The following HP1BP3 variants were observed in gnomAD, a reference collection of about 807,000 sequenced individuals.
HP1BP3 encodes the protein heterochromatin protein 1 binding protein 3.
A neutral mutation model predicts 62.5 loss-of-function variants in HP1BP3; 12 were observed. That is an observed-to-expected ratio of 0.19 (90% CI 0.12 to 0.31). The LOEUF (loss-of-function observed/expected upper bound fraction) is 0.31, where lower values mean the gene tolerates loss of function less well. Among genes scored for constraint, HP1BP3 ranks in the 10% least tolerant of loss-of-function variants. The pLI is 1.00. For missense variants in HP1BP3, 502 were observed against 651.8 expected, an observed-to-expected ratio of 0.77 and a Z score of 2.50; for synonymous variants, 260 against 237.8, an observed-to-expected ratio of 1.09 and a Z score of -0.86.
At chr1:20,764,679 G>C (rs1570617123) in intron 8 of HP1BP3, among the ~76,000 whole-genome samples, 1 of 129,678 alleles carries the variant, frequency 7.7e-6, no homozygotes, top group South Asian at 2.7e-4. Context: ...AGAAAGATAA[G>C]ATTTGGGTTT....
chr1:20,748,306 G>C (rs1234944848), intron 10 of HP1BP3, among the ~76,000 whole-genome samples: 2 of 152,148 alleles, frequency 1.3e-5, no homozygotes, highest in South Asian at 4.2e-4. Context: ...ACAATATCAT[G>C]GTTCCTGAAG....
At chr1:20,773,113 G>A (rs1018298894) in intron 5 of HP1BP3, among the ~76,000 whole-genome samples, 1 of 152,066 alleles carries the variant, frequency 6.6e-6, no homozygotes, top group Non-Finnish European at 1.5e-5. Context: ...CCACTAGCAG[G>A]GGCGCCCAAC....
chr1:20,764,040 GC>G (rs1469161685), intron 8 of HP1BP3, among the ~76,000 whole-genome samples: 1 of 152,002 alleles, frequency 6.6e-6, no homozygotes, highest in Non-Finnish European at 1.5e-5. Flanking sequence ...ATACCCAGAT[GC>G]AATTTTTCTT....
At chr1:20,775,784 T>G (rs1307297664) in intron 4 of HP1BP3, 1 of 510,944 alleles carries the variant, frequency 2.0e-6, no homozygotes, top group East Asian at 3.2e-5. Flanking sequence ...GTTTGTAGCC[T>G]AGAAGCAACA....
At chr1:20,767,771 C>T in intron 6 of HP1BP3, 107 bp from the exon 7 acceptor site, 2 of 629,580 alleles carry the variant, frequency 3.2e-6, no homozygotes, top group Non-Finnish European at 2.7e-6. Flanking sequence ...GTGTTTACTT[C>T]TTCAGAGAAA....
intron 11 of HP1BP3, among the ~76,000 whole-genome samples, chr1:20,746,595 G>A (rs1307010640): frequency 6.6e-6 from 1 of 152,072 alleles, no homozygotes; most frequent in Non-Finnish European, 1.5e-5. Flanking sequence ...GACCACAGGA[G>A]GTGATCAATA....
intron 6 of HP1BP3, 47 bp from the exon 7 acceptor site, chr1:20,767,711 T>C (rs780879385): frequency 3.2e-6 from 4 of 1,241,222 alleles, no homozygotes; most frequent in South Asian, 1.3e-5. Flanking sequence ...AACTTTACAG[T>C]AGGCTAAGGA....
intron 1 of HP1BP3, among the ~76,000 whole-genome samples, chr1:20,783,463 G>T (rs1453633909): frequency 6.6e-6 from 1 of 151,912 alleles, no homozygotes; most frequent in Non-Finnish European, 1.5e-5. Flanking sequence ...AGGTTGCAGT[G>T]ACCTGAGATC....
At chr1:20,776,983 TAGAA>T (rs920894607) in intron 3 of HP1BP3, among the ~76,000 whole-genome samples, 13 of 152,170 alleles carry the variant, frequency 8.5e-5, no homozygotes, top group African/African-American at 2.9e-4. Context: ...GGAAATTACA[TAGAA>T]AGGAAAACTC....
chr1:20,779,805 A>T lies in HP1BP3; in HGVS notation c.196+7T>A. 1 of 1,598,214 alleles carries T rather than the reference A, an allele frequency of 6.3e-7. No individual in the cohort carries two copies. The highest frequency in any genetic ancestry group is 8.6e-7 in the Non-Finnish European group (1 of 1,169,310). On this transcript the variant is annotated splice_region_variant and intron_variant, in intron 3 of 12. Transcript: ENST00000438032. ...ATGTTTTAAGCTGTGTCACCATTTT[A>T]CTTTACCTGGCTTTTCTTCCTCCCC...
At chr1:20,747,889 T>C (rs1570543522) in intron 10 of HP1BP3, among the ~76,000 whole-genome samples, 1 of 152,176 alleles carries the variant, frequency 6.6e-6, no homozygotes. Flanking sequence ...TTTTAAAATT[T>C]TGCAAAATAT....
rs773712269 is a variant in HP1BP3 at position 20,771,122 on chromosome 1, T to G, written c.511-49A>C. 5 of 1,395,018 alleles carry G rather than the reference T, an allele frequency of 3.6e-6. No individual in the cohort carries two copies. The East Asian group carries it at 1.2e-4, about 33-fold the overall frequency. The allele number at this position is 1,395,018 out of a possible 1,614,324, so 86.4% of individuals were successfully genotyped here. A position where few individuals can be genotyped will look rare whatever the true frequency, so the allele number is the denominator to read the frequency against. On this transcript the variant is annotated intron_variant, in intron 5 of 12. Coordinates refer to ENST00000438032, the MANE Select transcript of HP1BP3 (RefSeq NM_001372052.1). Reference sequence around the variant, plus strand: ...TTGTTTTTTTTTATTAGATAGAGCCTGACATATATTTTCAAAATAAATTAT... The same window carrying G: ...TTGTTTTTTTTTATTAGATAGAGCCGGACATATATTTTCAAAATAAATTAT...
chr1:20,754,260 C>G (rs1462552533), intron 9 of HP1BP3, among the ~76,000 whole-genome samples: 1 of 152,042 alleles, frequency 6.6e-6, no homozygotes, highest in East Asian at 1.9e-4. Context: ...TTCAAGACAG[C>G]ATGGAAAAAG....
intron 3 of HP1BP3, 104 bp from the exon 4 acceptor site, chr1:20,776,854 T>C: frequency 1.1e-6 from 1 of 921,304 alleles, no homozygotes; most frequent in South Asian, 2.7e-5. Context: ...AAGTCTCCAA[T>C]TAACAAATGA....
intron 12 of HP1BP3, 109 bp from the exon 13 acceptor site, chr1:20,745,200 G>C: frequency 8.0e-7 from 1 of 1,244,672 alleles, no homozygotes; most frequent in East Asian, 2.4e-5. Flanking sequence ...GGTCACTTAC[G>C]TTAAGAATAG....
At chr1:20,756,651 T>C (rs1466960703) in intron 9 of HP1BP3, among the ~76,000 whole-genome samples, 1 of 152,124 alleles carries the variant, frequency 6.6e-6, no homozygotes, top group African/African-American at 2.4e-5. Flanking sequence ...ATGTAATGGG[T>C]TTTCTACTAG....
chr1:20,771,104 T>C (rs768796714), intron 5 of HP1BP3, 31 bp from the exon 6 acceptor site: 41 of 1,550,006 alleles, frequency 2.6e-5, no homozygotes, highest in Non-Finnish European at 3.3e-5. Context: ...TAGTTGTTTT[T>C]TTTTATTAGA....
chr1:20,760,304 G>A (rs1048760212), intron 8 of HP1BP3, among the ~76,000 whole-genome samples: 9 of 152,156 alleles, frequency 5.9e-5, no homozygotes, highest in Non-Finnish European at 7.4e-5. Context: ...CTGGGTGGCC[G>A]AAGCAGGAGG....
chr1:20,746,204 G>A (rs1485226580), intron 11 of HP1BP3, among the ~76,000 whole-genome samples: 17 of 151,474 alleles, frequency 1.1e-4, no homozygotes, highest in East Asian at 5.8e-4. Context: ...GTGTGTGTGT[G>A]TGTGTGTGTG....
Sources: gnomAD v4.1 joint callset for allele counts (sites outside exome capture counted in the v4.1 genomes callset) on GRCh38, gnomAD v4.1.1 for gene constraint, MANE v1.5 for transcripts, NCBI Gene and HGNC (gene_info 2026-07-23, HGNC 2026-07-21) for gene names.